The following ARHGAP1 variants were observed in gnomAD, a reference collection of about 807,000 sequenced individuals.
ARHGAP1 encodes rho GTPase-activating protein 1.
A neutral mutation model predicts 52.2 loss-of-function variants in ARHGAP1; 23 were observed. The ratio of observed to expected loss-of-function variants is 0.44; its 90% CI spans 0.32 to 0.62. The LOEUF (loss-of-function observed/expected upper bound fraction) is 0.62, where lower values mean the gene tolerates loss of function less well. Ranked by LOEUF, ARHGAP1 falls within the 20% of genes least tolerant of loss-of-function variation. The probability of loss-of-function intolerance (pLI) is 0.05; values close to 1 mark genes in which losing one functional copy is unlikely to be tolerated. For synonymous variants in ARHGAP1, 210 were observed against 228.4 expected (o/e 0.92, Z 0.73); for missense variants, 480 against 560.9 (o/e 0.86, Z 1.46).
Position 46,679,669 on chromosome 11 carries a change from G to C in ARHGAP1, c.1006C>G (p.Pro336Ala). ...PEPLLTFDLYPHVVGFLNIDE... is the reference protein window; with the variant it reads ...PEPLLTFDLYAHVVGFLNIDE... ...TCACTGAGGAAGCCCACCACATGGG[G>C]GTAGAGGTCAAAGGTGAGCAGGGGC... The change falls in exon 11 of 13, where the codon CCC (proline) becomes GCC (alanine). Residue 336 changes from proline to alanine, a missense_variant. Pro to Ala is a conservative substitution (Grantham distance 27). Coordinates refer to ENST00000311956, the MANE Select transcript of ARHGAP1 (RefSeq NM_004308.5). This position sits in a 1 kb window ranked among gnomAD's most constrained non-coding sequence, Gnocchi z 4.4. 6.2e-7 allele frequency: 1 copy of C among 1,614,096 alleles called. No individual in the cohort carries two copies.
intron 3 of ARHGAP1, among the ~76,000 whole-genome samples, chr11:46,691,984 G>C (rs2064618300): frequency 6.6e-6 from 1 of 152,250 alleles, no homozygotes; most frequent in African/African-American, 2.4e-5. Context: ...AGATTTGCAA[G>C]TAGAGAATCC....
Position 46,681,966 on chromosome 11 carries a change from C to T in ARHGAP1, c.449+85G>A. 6.3e-7 allele frequency: 1 copy of T among 1,580,380 alleles called. No individual in the cohort carries two copies. Among genetic ancestry groups the T allele is most frequent in the Non-Finnish European group, 8.6e-7 (1 of 1,159,868 alleles). ...CCGCCACCCCCTGCCTTGGAATAAG[C>T]TCCTGCCCAAGTGGAGGGCAGCCCG... On this transcript the variant is annotated intron_variant, in intron 5 of 12. Transcript: ENST00000311956. The surrounding 1 kb of genome is among the most constrained non-coding windows in gnomAD (Gnocchi z 5.7).
Position 46,680,851 on chromosome 11 carries a change from C to A in ARHGAP1, c.636-104G>T, listed in dbSNP as rs561172563. On this transcript the variant is annotated intron_variant, in intron 7 of 12. Transcript: ENST00000311956. The surrounding 1 kb of genome is among the most constrained non-coding windows in gnomAD (Gnocchi z 5.9). ...GCGGGGTCAGGAGGATCATCTCATG[C>A]GATCTCTGTAACAACTCCGCTTTCC... 5 of 1,079,894 alleles carry A rather than the reference C, an allele frequency of 4.6e-6. No individual in the cohort carries two copies. The Admixed American group carries it at 1.2e-4, about 26-fold the overall frequency. 66.9% of individuals were successfully genotyped at this position (1,079,894 alleles called of 1,614,324 possible). A position where few individuals can be genotyped will look rare whatever the true frequency, so the allele number is the denominator to read the frequency against.
chr11:46,682,069 T>C lies in ARHGAP1; in HGVS notation c.431A>G (p.Tyr144Cys). ...AACCCACTTGCGGTCAAACTCCCGGTAGGCATCACGGAGCCAGCTGAGGGA... is the reference window on the plus strand; with the variant it reads ...AACCCACTTGCGGTCAAACTCCCGGCAGGCATCACGGAGCCAGCTGAGGGA... ...KPSLSWLRDA[Y>C]REFDRKYKKN... The change falls in exon 5 of 13, where the codon TAC becomes TGC. Residue 144 changes from tyrosine to cysteine, a missense_variant. Tyr to Cys is a radical substitution (Grantham distance 194). Coordinates refer to ENST00000311956, the MANE Select transcript of ARHGAP1 (RefSeq NM_004308.5). 6.2e-7 allele frequency: 1 copy of C among 1,614,002 alleles called. No individual in the cohort carries two copies. The highest frequency in any genetic ancestry group is 8.5e-7 in the Non-Finnish European group (1 of 1,179,936).
intron 2 of ARHGAP1, 35 bp downstream of exon 2, chr11:46,695,938 AGC>A (rs1250316324): frequency 2.5e-6 from 4 of 1,613,770 alleles, no homozygotes; most frequent in Non-Finnish European, 3.4e-6. Flanking sequence ...CCCCCTCTAA[AGC>A]GCCTGTAGCT....
chr11:46,682,843 C>T (rs2064539354), intron 4 of ARHGAP1, among the ~76,000 whole-genome samples: 1 of 152,172 alleles, frequency 6.6e-6, no homozygotes, highest in South Asian at 2.1e-4. Flanking sequence ...TGATGACAGT[C>T]ACCATTTCTC....
In ARHGAP1 at chr11:46,681,349, G is replaced by A. The variant is rs1181372033; in HGVS notation, c.480C>T (p.Ile160=). The change falls in exon 6 of 13, where the codon ATC becomes ATT. Residue 160 remains isoleucine (I), a synonymous_variant. Transcript: ENST00000311956. This position sits in a 1 kb window ranked among gnomAD's most constrained non-coding sequence, Gnocchi z 5.7. ...KYKKNIKALY[I]VHPTMFIKTL... Reference sequence around the variant, plus strand: ...TTTTGATGAACATGGTTGGATGCACGATGTACAAGGCCTTGATGTTTTTCT... The same window carrying A: ...TTTTGATGAACATGGTTGGATGCACAATGTACAAGGCCTTGATGTTTTTCT... 8.7e-6 allele frequency: 14 copies of A among 1,613,334 alleles called. No homozygotes were observed. The highest frequency in any genetic ancestry group is 1.3e-5 in the African/African-American group (1 of 74,904).
chr11:46,682,295 C>T, intron 4 of ARHGAP1, 113 bp from the exon 5 acceptor site: 4 of 1,410,908 alleles, frequency 2.8e-6, no homozygotes, highest in Non-Finnish European at 3.9e-6. Flanking sequence ...CCCACAGGCC[C>T]TCCCCTAGCA....
chr11:46,688,147 C>G lies in ARHGAP1; in HGVS notation c.317+26G>C, dbSNP rs147974622. ...TACAATGGGGATCTGGGCAAAGCCC[C>G]AACACACTTCCCAGCAGGTACTCAC... On this transcript the variant is annotated intron_variant, in intron 4 of 12. Coordinates refer to ENST00000311956, the MANE Select transcript of ARHGAP1 (RefSeq NM_004308.5). 3.9e-5 allele frequency: 63 copies of G among 1,605,466 alleles called. 1 individual carries two copies. The East Asian group carries it at 1.4e-3, about 36-fold the overall frequency.
At chr11:46,693,074 G>A (rs1322961880) in intron 3 of ARHGAP1, among the ~76,000 whole-genome samples, 1 of 152,068 alleles carries the variant, frequency 6.6e-6, no homozygotes, top group Non-Finnish European at 1.5e-5. Flanking sequence ...GGATGGTCTC[G>A]ATCTCCTGAC....
In ARHGAP1 at chr11:46,695,647, T is replaced by C; in HGVS notation, c.229+13A>G. The C allele has an allele frequency of 6.4e-7, 1 of 1,551,022 alleles. No individual in the cohort carries two copies. The highest frequency in any genetic ancestry group is 8.7e-7 in the Non-Finnish European group (1 of 1,146,340). On this transcript the variant is annotated intron_variant, in intron 3 of 12. Coordinates refer to ENST00000311956, the MANE Select transcript of ARHGAP1 (RefSeq NM_004308.5). Reference sequence around the variant, plus strand: ...GCTCTGAGGGTTAGGAAAATAGTGTTGGGTGTGCTTACCTGCCACCTCCAC... The same window carrying C: ...GCTCTGAGGGTTAGGAAAATAGTGTCGGGTGTGCTTACCTGCCACCTCCAC...
At chr11:46,688,914 T>A (rs2064591477) in intron 3 of ARHGAP1, among the ~76,000 whole-genome samples, 1 of 151,696 alleles carries the variant, frequency 6.6e-6, no homozygotes, top group African/African-American at 2.4e-5. Flanking sequence ...TGAAAACCCA[T>A]CTCTACCAAA....
In ARHGAP1 at chr11:46,695,934, C is replaced by A. The variant is rs531758206; in HGVS notation, c.133+41G>T. On this transcript the variant is annotated intron_variant, in intron 2 of 12. Coordinates refer to ENST00000311956, the MANE Select transcript of ARHGAP1 (RefSeq NM_004308.5). ...TTCAGCAGAAGGAGTGCTTCCCCCT[C>A]TAAAGCGCCTGTAGCTGCCTGAGAC... 6.8e-6 allele frequency: 11 copies of A among 1,613,724 alleles called. No homozygotes were observed. In the South Asian group the frequency reaches 1.2e-4, roughly 18 times the overall value.
At chr11:46,695,564 C>A in intron 3 of ARHGAP1, 96 bp downstream of exon 3, 1 of 1,309,602 alleles carries the variant, frequency 7.6e-7, no homozygotes, top group South Asian at 1.3e-5. Context: ...GGCCAGCGGT[C>A]AGACTGCAGA....
At chr11:46,690,718 G>T (rs2064606731) in intron 3 of ARHGAP1, among the ~76,000 whole-genome samples, 1 of 152,028 alleles carries the variant, frequency 6.6e-6, no homozygotes, top group African/African-American at 2.4e-5. Context: ...CCCTTTTCAT[G>T]GCTCCCAGCA....
chr11:46,698,483 C>T (rs764508573), intron 1 of ARHGAP1, among the ~76,000 whole-genome samples: 33 of 151,794 alleles, frequency 2.2e-4, no homozygotes, highest in Non-Finnish European at 3.8e-4. Context: ...TGGTGGGTGC[C>T]TGTAATCCCA....
chr11:46,679,055 C>G lies in ARHGAP1; in HGVS notation c.1302G>C (p.Pro434=). The change falls in exon 13 of 13, where the codon CCG becomes CCC. Residue 434 remains proline (P), a synonymous_variant. Coordinates refer to ENST00000311956, the MANE Select transcript of ARHGAP1 (RefSeq NM_004308.5). This position sits in a 1 kb window ranked among gnomAD's most constrained non-coding sequence, Gnocchi z 4.4. The part of the protein sequence containing the change: ...LDHQGELFPS[P]DPSGL ...GCCAGGTTCAGAGCCCGCTGGGGTC[C>G]GGGCTTGGGAACAGCTCCCCTTGGT... 6.2e-7 allele frequency: 1 copy of G among 1,614,134 alleles called. No individual in the cohort carries two copies. Among genetic ancestry groups the G allele is most frequent in the Non-Finnish European group, 8.5e-7 (1 of 1,180,000 alleles).
chr11:46,693,009 C>A (rs560505547), intron 3 of ARHGAP1, among the ~76,000 whole-genome samples: 5 of 152,156 alleles, frequency 3.3e-5, no homozygotes, highest in African/African-American at 1.2e-4. Context: ...CCCGCCACCA[C>A]GCCCAGAAAA....
In ARHGAP1 at chr11:46,680,590, G is replaced by A; in HGVS notation, c.744-27C>T. The A allele has an allele frequency of 6.2e-7, 1 of 1,613,654 alleles. No individual in the cohort carries two copies. Among genetic ancestry groups the A allele is most frequent in the Non-Finnish European group, 8.5e-7 (1 of 1,179,712 alleles). ...TGCGGGAAAAAGGCTGGTGAGCCGG[G>A]CCTGCAGCCCTTCCCGCCCCGCCGT... On this transcript the variant is annotated intron_variant, in intron 8 of 12. Transcript: ENST00000311956. This position sits in a 1 kb window ranked among gnomAD's most constrained non-coding sequence, Gnocchi z 5.9.
Sources: allele counts gnomAD v4.1 joint callset (sites outside exome capture counted in the v4.1 genomes callset), GRCh38; gene constraint gnomAD v4.1.1; non-coding constraint Gnocchi (gnomAD v3.1); transcripts MANE v1.5; gene names NCBI Gene and HGNC (gene_info 2026-07-23, HGNC 2026-07-21).